The following PDE4B variants were observed in gnomAD, a reference collection of about 807,000 sequenced individuals.
PDE4B encodes phosphodiesterase 4B.
A neutral mutation model predicts 82.2 loss-of-function variants in PDE4B; 20 were observed. That is an observed-to-expected ratio of 0.24 (90% CI 0.17 to 0.35). The LOEUF (loss-of-function observed/expected upper bound fraction) is 0.35, where lower values mean the gene tolerates loss of function less well. PDE4B is among the 10% of genes least tolerant of loss of function. The pLI is 1.00. For synonymous variants in PDE4B, 320 were observed against 318.9 expected (o/e 1.00, Z -0.04); for missense variants, 655 against 907.2 (o/e 0.72, Z 3.57).
At chr1:66,157,148 G>A (rs1646516943) in intron 3 of PDE4B, among the ~76,000 whole-genome samples, 1 of 152,150 alleles carries the variant, frequency 6.6e-6, no homozygotes. Context: ...CTAAATTCAT[G>A]CACAGATGCC....
rs576107509 is a variant in PDE4B, at chr1:66,359,779, G to A, written c.842-1836G>A. Among the ~76,000 whole-genome samples the A allele has an allele frequency of 2.6e-5, 4 of 152,292 alleles. 1 individual carries two copies. The South Asian group carries it at 8.3e-4, about 32-fold the overall frequency. ...TTTAGCAAAAAGTAGTAGTTATTAG[G>A]AGTAAAGTGACAGGGAGAAAAGTAA... is the stretch of plus-strand genomic sequence containing the variant. On this transcript the variant is annotated intron_variant, in intron 9 of 16. Transcript: ENST00000341517.
chr1:66,222,176 G>A (rs1651042307), intron 3 of PDE4B, among the ~76,000 whole-genome samples: 2 of 152,146 alleles, frequency 1.3e-5, no homozygotes, highest in Admixed American at 1.3e-4. Flanking sequence ...TTGGAGTAAG[G>A]AGTAAAAGCA....
chr1:65,861,960 G>T (rs1646459489), intron 1 of PDE4B, among the ~76,000 whole-genome samples: 1 of 152,004 alleles, frequency 6.6e-6, no homozygotes, highest in Admixed American at 6.6e-5. Context: ...CTGAAATGAT[G>T]GGTTTTCTAA....
At chr1:66,355,293 A>G in intron 8 of PDE4B, 1 of 408,446 alleles carries the variant, frequency 2.4e-6, no homozygotes. Context: ...CTATGTTTGC[A>G]TCTTCAAAAG....
chr1:65,913,418 C>G, intron 2 of PDE4B, 62 bp downstream of exon 2: 1 of 1,518,610 alleles, frequency 6.6e-7, no homozygotes, highest in African/African-American at 1.4e-5. Context: ...CTGGATAATT[C>G]TATTCAAAGG....
rs538895256 is a variant in PDE4B at position 66,170,164 on chromosome 1, C to T, written c.282-77296C>T. ...TTCAGGATGTTGCACATTAGTTCCT[C>T]AACAACATTCGTGGATATGGTAGGT... On this transcript the variant is annotated intron_variant, in intron 3 of 16. Transcript: ENST00000341517. Among the ~76,000 whole-genome samples, 162 of 152,212 alleles carry T rather than the reference C, an allele frequency of 1.1e-3. 1 individual carries two copies. Among genetic ancestry groups the T allele is most frequent in the Non-Finnish European group, 2.0e-3 (138 of 68,020 alleles).
In PDE4B at chr1:66,184,674, T is replaced by C. The variant is rs12034627; in HGVS notation, c.282-62786T>C. 0.013 allele frequency among the ~76,000 whole-genome samples: 1,937 copies of C among 152,250 alleles called. 88 individuals are homozygous for C. The East Asian group carries it at 0.15, about 11-fold the overall frequency. ...TCACATGGATACCACATAGCTTAAA[T>C]ATAACGAGGTGTAGAAGCACACTTG... On this transcript the variant is annotated intron_variant, in intron 3 of 16. Transcript: ENST00000341517.
In PDE4B at chr1:66,367,855, G is replaced by A; in HGVS notation, c.1539+5G>A. On this transcript the variant is annotated splice_donor_5th_base_variant and intron_variant, in intron 14 of 16. Transcript: ENST00000341517. Reference sequence around the variant, plus strand: ...AGGAAGATGGTTATTGACATGGTAAGACTTTAGCCTCTCTACATTCCTCAC... The same window carrying A: ...AGGAAGATGGTTATTGACATGGTAAAACTTTAGCCTCTCTACATTCCTCAC... 1 of 1,613,230 alleles carries A rather than the reference G, an allele frequency of 6.2e-7. No homozygotes were observed. Among genetic ancestry groups the A allele is most frequent in the Non-Finnish European group, 8.5e-7 (1 of 1,179,454 alleles).
intron 3 of PDE4B, among the ~76,000 whole-genome samples, chr1:66,207,047 C>G (rs988059098): frequency 6.6e-6 from 1 of 152,158 alleles, no homozygotes; most frequent in South Asian, 2.1e-4. Flanking sequence ...AAAGGAAATA[C>G]TACATTTCCC....
chr1:65,941,827 C>T (rs1648462866), intron 3 of PDE4B, among the ~76,000 whole-genome samples: 1 of 151,978 alleles, frequency 6.6e-6, no homozygotes, highest in African/African-American at 2.4e-5. Flanking sequence ...TCATCATGCA[C>T]AATAGATCTC....
chr1:66,357,415 TAAAAAG>T (rs1277649264), intron 9 of PDE4B, among the ~76,000 whole-genome samples: 1 of 151,900 alleles, frequency 6.6e-6, no homozygotes, highest in Admixed American at 6.6e-5. Context: ...TAGGAAAAAA[TAAAAAG>T]AAAAATTTAA....
intron 3 of PDE4B, among the ~76,000 whole-genome samples, chr1:66,052,401 G>A (rs143749043): frequency 1.9e-4 from 29 of 152,160 alleles, no homozygotes; most frequent in Admixed American, 1.7e-3. Context: ...TATAATGATA[G>A]GGTTTCAGGA....
intron 3 of PDE4B, among the ~76,000 whole-genome samples, chr1:66,028,462 T>G (rs533392233): frequency 6.6e-6 from 1 of 152,300 alleles, no homozygotes; most frequent in East Asian, 1.9e-4. Context: ...ATTTTCTCCA[T>G]GGTTTTGGGG....
In PDE4B at chr1:65,853,612, C is replaced by T. The variant is rs549159949; in HGVS notation, c.-70-59633C>T. ...TGGCACAATCTCGACTCACTGCAAC[C>T]TCCACTTCTCAGGTTCAAGTGATTC... is the stretch of plus-strand genomic sequence containing the variant. On this transcript the variant is annotated intron_variant, in intron 1 of 16. Transcript: ENST00000341517. Among the ~76,000 whole-genome samples, 542 of 152,074 alleles carry T rather than the reference C, an allele frequency of 3.6e-3. 3 individuals are homozygous for T. The highest frequency in any genetic ancestry group is 0.012 in the African/African-American group (518 of 41,468).
Position 65,958,637 on chromosome 1 carries a change from A to G in PDE4B, c.281+39802A>G, listed in dbSNP as rs1336669074. Reference sequence around the variant, plus strand: ...TGTGATTCGTTTTTAACCTATTTAAAGCCTACTCTTTATTCTTAATACTGT... The same window carrying G: ...TGTGATTCGTTTTTAACCTATTTAAGGCCTACTCTTTATTCTTAATACTGT... On this transcript the variant is annotated intron_variant, in intron 3 of 16. Transcript: ENST00000341517. Among the ~76,000 whole-genome samples the G allele has an allele frequency of 2.0e-5, 3 of 152,072 alleles. No homozygotes were observed. In the East Asian group the frequency reaches 5.8e-4, roughly 29 times the overall value.
chr1:66,186,845 C>T (rs1647235959), intron 3 of PDE4B, among the ~76,000 whole-genome samples: 1 of 152,146 alleles, frequency 6.6e-6, no homozygotes, highest in Admixed American at 6.6e-5. Flanking sequence ...TGCCTAATTG[C>T]CCGGGCCAGA....
intron 3 of PDE4B, among the ~76,000 whole-genome samples, chr1:66,092,184 T>C (rs889242769): frequency 6.6e-6 from 1 of 152,048 alleles, no homozygotes; most frequent in Admixed American, 6.6e-5. Context: ...ATATAATTAA[T>C]ACATCAGAAA....
At chr1:65,867,714 T>C (rs1016736893) in intron 1 of PDE4B, among the ~76,000 whole-genome samples, 1 of 152,246 alleles carries the variant, frequency 6.6e-6, no homozygotes, top group Non-Finnish European at 1.5e-5. Flanking sequence ...TGATTCCCTC[T>C]ACTTAGGAAC....
intron 3 of PDE4B, among the ~76,000 whole-genome samples, chr1:66,138,512 G>A (rs1285726680): frequency 6.6e-6 from 1 of 152,046 alleles, no homozygotes; most frequent in Non-Finnish European, 1.5e-5. Context: ...AAGCAAGGTC[G>A]AGCAAGACTC....
Sources: gnomAD v4.1 joint callset for allele counts (sites outside exome capture counted in the v4.1 genomes callset) on GRCh38, gnomAD v4.1.1 for gene constraint, MANE v1.5 for transcripts, NCBI Gene and HGNC (gene_info 2026-07-23, HGNC 2026-07-21) for gene names.